The following TTC28 variants were observed in gnomAD, a reference collection of about 807,000 sequenced individuals.
TTC28 encodes tetratricopeptide repeat domain 28, also known as tetratricopeptide repeat protein 28.
In TTC28, 61 loss-of-function variants were observed where a neutral mutation model predicts 198.0. That is an observed-to-expected ratio of 0.31 (90% CI 0.25 to 0.38). TTC28 has a LOEUF of 0.38. TTC28 is among the 10% of genes least tolerant of loss of function. The pLI, the probability that TTC28 is intolerant of heterozygous loss-of-function variation, is 1.00. For missense variants in TTC28, 2,678 were observed against 3,164.0 expected (o/e 0.85, Z 3.69); for synonymous variants, 1,171 against 1,297.8 (o/e 0.90, Z 2.10).
At chr22:28,312,647 T>C (rs758025622) in intron 2 of TTC28, among the ~76,000 whole-genome samples, 1 of 152,176 alleles carries the variant, frequency 6.6e-6, no homozygotes, top group Non-Finnish European at 1.5e-5. Context: ...GAAATAAAGA[T>C]GTTCTTTGAA....
chr22:28,332,812 T>C (rs1335007390), intron 2 of TTC28, among the ~76,000 whole-genome samples: 2 of 152,120 alleles, frequency 1.3e-5, no homozygotes. Flanking sequence ...GAAATCATTG[T>C]GTCATTATGG....
rs1601526754 is a variant in TTC28 at position 28,022,561 on chromosome 22, C to T, written c.4073+7665G>A. ...ACCCCTCTGGGCTGCAGCTTCCTGC[C>T]TCACAGGCGAGGACTGCACCTGGCA... On this transcript the variant is annotated intron_variant, in intron 13 of 22. Coordinates refer to ENST00000397906, the MANE Select transcript of TTC28 (RefSeq NM_001145418.2). Among the ~76,000 whole-genome samples the T allele has an allele frequency of 2.6e-5, 4 of 152,328 alleles. No individual in the cohort carries two copies. In the Middle Eastern group the frequency reaches 0.014, roughly 518 times the overall value.
At chr22:28,052,098 G>C (rs1206808450) in intron 12 of TTC28, among the ~76,000 whole-genome samples, 1 of 152,188 alleles carries the variant, frequency 6.6e-6, no homozygotes, top group African/African-American at 2.4e-5. Flanking sequence ...AATTGGAAAA[G>C]AGATGGAATT....
intron 6 of TTC28, among the ~76,000 whole-genome samples, chr22:28,133,964 A>G (rs916565655): frequency 3.3e-5 from 5 of 152,244 alleles, no homozygotes; most frequent in Admixed American, 2.6e-4. Flanking sequence ...ACCCCCTAGT[A>G]GGCGCAGACT....
chr22:28,399,092 T>C (rs2346395), intron 2 of TTC28, among the ~76,000 whole-genome samples: 27,424 of 151,422 alleles, frequency 0.18, 3,197 homozygotes, highest in Non-Finnish European at 0.26. Flanking sequence ...GATCCTAATA[T>C]ATGATATACT....
intron 5 of TTC28, among the ~76,000 whole-genome samples, chr22:28,199,890 T>C (rs1601464762): frequency 6.6e-6 from 1 of 152,064 alleles, no homozygotes. Flanking sequence ...TTTTGAAAAC[T>C]TACCAGGAGA....
At chr22:28,082,900 T>C (rs1202345564) in intron 12 of TTC28, among the ~76,000 whole-genome samples, 1 of 152,218 alleles carries the variant, frequency 6.6e-6, no homozygotes, top group Admixed American at 6.5e-5. Context: ...GGGAGGTTTT[T>C]GGTTACTGAT....
intron 1 of TTC28, among the ~76,000 whole-genome samples, chr22:28,634,256 A>C (rs2051228476): frequency 6.6e-6 from 1 of 152,158 alleles, no homozygotes; most frequent in Non-Finnish European, 1.5e-5. Flanking sequence ...TCACGCCTGT[A>C]ATCCCAGCAC....
intron 2 of TTC28, among the ~76,000 whole-genome samples, chr22:28,324,767 A>T (rs2045500889): frequency 2.0e-5 from 3 of 152,306 alleles, no homozygotes; most frequent in South Asian, 2.1e-4. Context: ...TTTATGACAA[A>T]CCTACAGCCA....
chr22:28,498,872 T>C (rs2048496305), intron 2 of TTC28, among the ~76,000 whole-genome samples: 1 of 152,200 alleles, frequency 6.6e-6, no homozygotes, highest in South Asian at 2.1e-4. Flanking sequence ...ATATTGACAA[T>C]TTATTCATAA....
intron 5 of TTC28, among the ~76,000 whole-genome samples, chr22:28,167,458 A>T (rs555097345): frequency 1.2e-4 from 19 of 152,368 alleles, no homozygotes; most frequent in Non-Finnish European, 8.8e-5. Flanking sequence ...CAGCATATCA[A>T]AAAGCTTATA....
intron 6 of TTC28, among the ~76,000 whole-genome samples, chr22:28,120,156 G>A (rs909824807): frequency 2.0e-5 from 3 of 152,102 alleles, no homozygotes; most frequent in Admixed American, 6.5e-5. Flanking sequence ...CTCATGACAC[G>A]GCACAAAATA....
intron 12 of TTC28, among the ~76,000 whole-genome samples, chr22:28,092,190 G>T (rs998942756): frequency 6.6e-6 from 1 of 152,146 alleles, no homozygotes; most frequent in Non-Finnish European, 1.5e-5. Context: ...TTTTCTTTGA[G>T]CTTGGTTAAT....
In TTC28 at chr22:28,096,313, C is replaced by T. The variant is rs774307081; in HGVS notation, c.3643G>A (p.Asp1215Asn). Residue 1215 changes from aspartate to asparagine, a missense_variant, in exon 11 of 23, where the codon GAC (aspartate) becomes AAC (asparagine). Around this residue, in one of 8 missense-constraint regions of TTC28, gnomAD observed 727 missense variants for 861.9 expected, o/e 0.84. Coordinates refer to ENST00000397906, the MANE Select transcript of TTC28 (RefSeq NM_001145418.2). ...VERQTGQQDS[D>N]PYSPVTIDQI... ...TCAATAGTGACTGGGGAGTAGGGGTCGGAGTCTTGTTGTCCTGTTTGTCGT... is the reference window on the plus strand; with the variant it reads ...TCAATAGTGACTGGGGAGTAGGGGTTGGAGTCTTGTTGTCCTGTTTGTCGT... 1.9e-5 allele frequency: 30 copies of T among 1,551,924 alleles called. 1 individual carries two copies. The highest frequency in any genetic ancestry group is 9.5e-5 in the South Asian group (8 of 84,050).
chr22:28,094,287 G>A (rs768225934), intron 11 of TTC28, 42 bp from the exon 12 acceptor site: 2 of 1,477,962 alleles, frequency 1.4e-6, no homozygotes, highest in South Asian at 1.4e-5. Context: ...CACAATTAGG[G>A]TCAGAGAAAG....
At chr22:28,283,544 T>G (rs2044624853) in intron 5 of TTC28, among the ~76,000 whole-genome samples, 1 of 152,142 alleles carries the variant, frequency 6.6e-6, no homozygotes, top group Non-Finnish European at 1.5e-5. Flanking sequence ...TCCAGAAGGC[T>G]CAATTTTCTC....
chr22:28,146,990 A>G (rs1257225942), intron 6 of TTC28, among the ~76,000 whole-genome samples: 1 of 152,218 alleles, frequency 6.6e-6, no homozygotes, highest in African/African-American at 2.4e-5. Context: ...TTAACTCTTC[A>G]GTAGGATGGC....
chr22:28,131,001 A>C (rs1203323096), intron 6 of TTC28, among the ~76,000 whole-genome samples: 2 of 152,220 alleles, frequency 1.3e-5, no homozygotes, highest in Admixed American at 1.3e-4. Flanking sequence ...CCTTTTATCA[A>C]GCCCTTCTGT....
rs1339077100 is a variant in TTC28 at position 28,433,371 on chromosome 22, C to T, written c.382-126728G>A. Reference sequence around the variant, plus strand: ...AGAGAAGCCCAGTGGATACGGCCCTCCCCCTTAAAGTACCCAGGTCAAGAG... The same window carrying T: ...AGAGAAGCCCAGTGGATACGGCCCTTCCCCTTAAAGTACCCAGGTCAAGAG... On this transcript the variant is annotated intron_variant, in intron 2 of 22. Coordinates refer to ENST00000397906, the MANE Select transcript of TTC28 (RefSeq NM_001145418.2). 2.6e-5 allele frequency among the ~76,000 whole-genome samples: 4 copies of T among 152,220 alleles called. No homozygotes were observed. In the South Asian group the frequency reaches 8.3e-4, roughly 32 times the overall value.
Sources: gnomAD v4.1 joint callset for allele counts (sites outside exome capture counted in the v4.1 genomes callset) on GRCh38, gnomAD v4.1.1 for gene constraint, gnomAD v4.1.1 regional missense constraint, MANE v1.5 for transcripts, NCBI Gene and HGNC (gene_info 2026-07-23, HGNC 2026-07-21) for gene names.